Variants in RFT1 observed in about 807,000 individuals in gnomAD.
The protein encoded by RFT1 is man(5)GlcNAc(2)-PP-dolichol translocation protein RFT1.
In RFT1, 43 loss-of-function variants were observed where a neutral mutation model predicts 62.2. That is an observed-to-expected ratio of 0.69 (90% confidence interval 0.54 to 0.89). The LOEUF (loss-of-function observed/expected upper bound fraction) is 0.89. RFT1 is among the 40% of genes least tolerant of loss of function. The pLI, the probability that RFT1 is intolerant of heterozygous loss-of-function variation, is 0.00. For synonymous variants in RFT1, 262 were observed against 264.6 expected, an observed-to-expected ratio of 0.99 and a Z score of 0.10; for missense variants, 605 against 649.9, an observed-to-expected ratio of 0.93 and a Z score of 0.75.
chr3:53,070,277 C>T, the RFT1 span, among the ~76,000 whole-genome samples: 54 of 150,662 alleles, frequency 3.6e-4, no homozygotes, highest in South Asian at 9.3e-3. Flanking sequence ...AGGCTGGGTG[C>T]GGTGGCTGAC....
intron 6 of RFT1, among the ~76,000 whole-genome samples, chr3:53,119,190 T>A (rs1701897819): frequency 6.6e-6 from 1 of 150,794 alleles, no homozygotes; most frequent in South Asian, 2.1e-4. Flanking sequence ...GGAAACAGAA[T>A]GAGACACTGT....
At chr3:53,075,835 G>A in the RFT1 span, among the ~76,000 whole-genome samples, 1 of 152,218 alleles carries the variant, frequency 6.6e-6, no homozygotes, top group Non-Finnish European at 1.5e-5. Flanking sequence ...CGAGACACAG[G>A]GAAGTAGTAA....
At chr3:53,098,801 CAA>C (rs35371104) in intron 11 of RFT1, among the ~76,000 whole-genome samples, 9 of 57,638 alleles carry the variant, frequency 1.6e-4, no homozygotes, top group South Asian at 2.6e-3. Context: ...GACTCCATCT[CAA>C]AAAAAAAAAA....
rs1364345554 is a variant in RFT1 at position 53,099,454 on chromosome 3, C to T, written c.1135G>A (p.Val379Ile). 6.2e-6 allele frequency: 10 copies of T among 1,614,012 alleles called. No homozygotes were observed. The highest frequency in any genetic ancestry group is 1.6e-4 in the Middle Eastern group (1 of 6,062). The change falls in exon 11 of 13, where the codon GTT becomes ATT. Residue 379 changes from valine (V) to isoleucine (I), a missense_variant. Physicochemically the swap from Val to Ile is conservative, Grantham distance 29 (BLOSUM62 3). Coordinates refer to ENST00000296292, the MANE Select transcript of RFT1 (RefSeq NM_052859.4). The stretch of plus-strand genomic sequence containing the variant: ...ACTCCATTGATGGCAAGCAGGAGAA[C>T]ATAGAGACAGTAGGAACGCAGCAAA... The part of the protein sequence containing the change: ...PVLLRSYCLY[V>I]LLLAINGVTE...
At chr3:53,085,743 A>G (rs558885132), downstream of RFT1, 1 of 152,226 alleles carries the variant, frequency 6.6e-6, no homozygotes, top group Admixed American at 6.5e-5. Flanking sequence ...TAATTCGCAC[A>G]TCTCACCTCC....
chr3:53,072,862 G>A, the RFT1 span, among the ~76,000 whole-genome samples: 1 of 152,228 alleles, frequency 6.6e-6, no homozygotes, highest in Non-Finnish European at 1.5e-5. Context: ...CCGGCGGCCA[G>A]GTCTCTCCTC....
In RFT1 at chr3:53,090,566, T is replaced by G. The variant is rs1700961472; in HGVS notation, c.*1337A>C. On this transcript the variant is annotated 3_prime_UTR_variant, in exon 13 of 13. Transcript: ENST00000296292. Reference sequence around the variant, plus strand: ...TTGGTGTACTGACAGGTCTTAATCCTTAGCCCCTGGGTACTGGCTCTGGGC... The same window carrying G: ...TTGGTGTACTGACAGGTCTTAATCCGTAGCCCCTGGGTACTGGCTCTGGGC... 2.6e-5 allele frequency: 4 copies of G among 152,250 alleles called. 1 individual carries two copies. In the South Asian group the frequency reaches 8.3e-4, roughly 31 times the overall value. The allele number at this position is 152,250 out of a possible 1,614,324, so 9.4% of individuals were successfully genotyped here.
the RFT1 span, among the ~76,000 whole-genome samples, chr3:53,072,756 TG>T: frequency 2.0e-5 from 3 of 152,306 alleles, no homozygotes; most frequent in East Asian, 5.8e-4. Flanking sequence ...GACTGCACCC[TG>T]GGGCGGCTGC....
At chr3:53,072,244 G>A in the RFT1 span, among the ~76,000 whole-genome samples, 28 of 152,134 alleles carry the variant, frequency 1.8e-4, no homozygotes, top group Non-Finnish European at 3.5e-4. Flanking sequence ...ATAAGGCTGC[G>A]TGGGAGCCTG....
chr3:53,105,555 T>G, intron 9 of RFT1, 118 bp downstream of exon 9: 2 of 1,274,210 alleles, frequency 1.6e-6, no homozygotes, highest in Non-Finnish European at 1.1e-6. Flanking sequence ...AATAGAAGAA[T>G]GAAATCTATA....
chr3:53,102,836 T>C (rs1215162487), intron 10 of RFT1, among the ~76,000 whole-genome samples: 2 of 152,206 alleles, frequency 1.3e-5, no homozygotes, highest in South Asian at 2.1e-4. Context: ...GTCATGATAA[T>C]GATGGGACAG....
chr3:53,080,286 C>T, the RFT1 span, among the ~76,000 whole-genome samples: 1 of 152,174 alleles, frequency 6.6e-6, no homozygotes, highest in African/African-American at 2.4e-5. Flanking sequence ...TTGCTGGCAG[C>T]CATGGCGTTT....
chr3:53,114,965 C>A (rs1257620963), intron 6 of RFT1, among the ~76,000 whole-genome samples: 2 of 152,120 alleles, frequency 1.3e-5, no homozygotes, highest in Non-Finnish European at 2.9e-5. Context: ...CCCTCTGTCA[C>A]CTCCTCCACC....
chr3:53,083,782 T>C (rs11710292), downstream of RFT1, among the ~76,000 whole-genome samples: 11,176 of 152,244 alleles, frequency 0.073, 473 homozygotes, highest in East Asian at 0.12. Context: ...AGTCACTCTG[T>C]CCCTTCTGTG....
intron 5 of RFT1, among the ~76,000 whole-genome samples, chr3:53,120,706 T>C (rs1050424955): frequency 2.6e-5 from 4 of 152,216 alleles, no homozygotes; most frequent in Non-Finnish European, 4.4e-5. Flanking sequence ...CTTTCCCTCC[T>C]GAGAACAGCA....
the RFT1 span, among the ~76,000 whole-genome samples, chr3:53,081,542 T>C: frequency 6.6e-5 from 10 of 152,304 alleles, no homozygotes; most frequent in South Asian, 1.0e-3. Context: ...TCTCCTTTCA[T>C]CTTTCCTGGA....
downstream of RFT1, among the ~76,000 whole-genome samples, chr3:53,083,535 C>T (rs761917471): frequency 6.6e-6 from 1 of 150,442 alleles, no homozygotes; most frequent in African/African-American, 2.4e-5. Flanking sequence ...AAGACATGGT[C>T]GCAGGTGGAT....
downstream of RFT1, among the ~76,000 whole-genome samples, chr3:53,084,778 G>C (rs143654593): frequency 1.3e-5 from 2 of 152,344 alleles, no homozygotes; most frequent in East Asian, 3.9e-4. Flanking sequence ...AGTCAATAGG[G>C]TCATAACATT....
downstream of RFT1, chr3:53,088,419 C>A (rs764098415): frequency 1.3e-5 from 2 of 152,142 alleles, no homozygotes; most frequent in Non-Finnish European, 2.9e-5. Flanking sequence ...TACCTACCCT[C>A]CTTATGAAAT....
Sources: allele counts gnomAD v4.1 joint callset (sites outside exome capture counted in the v4.1 genomes callset), GRCh38; gene constraint gnomAD v4.1.1; transcripts MANE v1.5; gene names NCBI Gene and HGNC (gene_info 2026-07-23, HGNC 2026-07-21).